Variants in CFAP20DC observed in about 807,000 individuals in gnomAD.
CFAP20DC encodes protein CFAP20DC.
A neutral mutation model predicts 101.7 loss-of-function variants in CFAP20DC; 84 were observed. The observed-to-expected ratio is 0.83, with a 90% CI of 0.69 to 0.99. The LOEUF (loss-of-function observed/expected upper bound fraction) is 0.99. Ranked by LOEUF, CFAP20DC falls within the 50% of genes least tolerant of loss-of-function variation. The pLI is 0.00. For missense variants in CFAP20DC, 1,007 were observed against 970.3 expected (o/e 1.04, Z -0.50); for synonymous variants, 359 against 351.2 (o/e 1.02, Z -0.25).
At position 59,007,221 on chromosome 3, in the gene CFAP20DC, T is replaced by G. The variant is rs1375073358; in HGVS notation, c.278+32336A>C. Among the ~76,000 whole-genome samples, 3 of 152,132 alleles carry G rather than the reference T, an allele frequency of 2.0e-5. No homozygotes were observed. The highest frequency in any genetic ancestry group is 6.5e-5 in the Admixed American group (1 of 15,278). On this transcript the variant is annotated intron_variant, in intron 4 of 16. Transcript: ENST00000482387. This position sits in a 1 kb window ranked among gnomAD's most constrained non-coding sequence, Gnocchi z 4.4. ...AGGAGAGTCTGAGCTCATACTCACC[T>G]AATCCTGCCCCCATCTGAAGGTACT... is the stretch of plus-strand genomic sequence containing the variant.
Position 58,724,994 on chromosome 3 carries a change from G to A in CFAP20DC, c.198-7366C>T, listed in dbSNP as rs1157523652. ...TATTATTACTTTGGAGGGGACCACC[G>A]AACCAGTAAACATTTGGGTTATGTT... is the stretch of plus-strand genomic sequence containing the variant. On this transcript the variant is annotated intron_variant, in intron 3 of 3. Transcript: ENST00000486145. The surrounding 1 kb of genome is among the most constrained non-coding windows in gnomAD (Gnocchi z 5.6). Among the ~76,000 whole-genome samples the A allele has an allele frequency of 6.6e-6, 1 of 152,156 alleles. No homozygotes were observed. Among genetic ancestry groups the A allele is most frequent in the Non-Finnish European group, 1.5e-5 (1 of 68,036 alleles).
chr3:58,978,232 A>G (rs1576565898), intron 4 of CFAP20DC, among the ~76,000 whole-genome samples: 1 of 151,376 alleles, frequency 6.6e-6, no homozygotes, highest in African/African-American at 2.4e-5. Context: ...TGGCTTCCCC[A>G]CTCCCCTGCC....
At chr3:58,888,826 T>C (rs1010727228) in intron 6 of CFAP20DC, among the ~76,000 whole-genome samples, 2 of 152,190 alleles carry the variant, frequency 1.3e-5, no homozygotes, top group African/African-American at 4.8e-5. Context: ...TTTGGGTATA[T>C]ACCTAGTAAT....
chr3:58,870,906 AAAAAAAAAAAAAAAAAAAG>A (rs2080139994), intron 7 of CFAP20DC, among the ~76,000 whole-genome samples: 2 of 144,882 alleles, frequency 1.4e-5, no homozygotes, highest in African/African-American at 5.4e-5. Context: ...AAAAAAAAAA[AAAAAAAAAAAAAAAAAAAG>A]AAAAAAGGAA....
chr3:58,812,268 C>A (rs1006012938), intron 14 of CFAP20DC, among the ~76,000 whole-genome samples: 2 of 152,014 alleles, frequency 1.3e-5, no homozygotes, highest in African/African-American at 4.8e-5. Flanking sequence ...ATGTTTATTG[C>A]GGCTCTATTC....
chr3:58,969,968 C>T (rs988583441), intron 4 of CFAP20DC, among the ~76,000 whole-genome samples: 1 of 152,016 alleles, frequency 6.6e-6, no homozygotes, highest in African/African-American at 2.4e-5. Context: ...GTGAATTATA[C>T]TAAAAATGAC....
chr3:58,755,443 T>C lies in CFAP20DC; in HGVS notation c.2238-1580A>G, dbSNP rs1218927110. Among the ~76,000 whole-genome samples the C allele has an allele frequency of 2.6e-5, 4 of 152,074 alleles. No individual in the cohort carries two copies. In the South Asian group the frequency reaches 6.2e-4, roughly 24 times the overall value. On this transcript the variant is annotated intron_variant, in intron 15 of 16. Coordinates refer to ENST00000482387, the MANE Select transcript of CFAP20DC (RefSeq NM_001394063.1). Reference sequence around the variant, plus strand: ...CCAGCGCAGTGACCTCATTACTCAATAAGGGTGATGAAGAACAAGGATGAA... The same window carrying C: ...CCAGCGCAGTGACCTCATTACTCAACAAGGGTGATGAAGAACAAGGATGAA...
intron 4 of CFAP20DC, among the ~76,000 whole-genome samples, chr3:58,974,267 C>T (rs769392922): frequency 1.3e-5 from 2 of 152,050 alleles, no homozygotes; most frequent in Non-Finnish European, 2.9e-5. Context: ...CCCACCTTCC[C>T]CCTACTAGTA....
intron 4 of CFAP20DC, among the ~76,000 whole-genome samples, chr3:58,977,583 C>T (rs1485670874): frequency 2.6e-5 from 4 of 152,110 alleles, no homozygotes; most frequent in Non-Finnish European, 5.9e-5. Flanking sequence ...TATCCTGTAT[C>T]TCACAAGCAG....
At chr3:58,852,082 G>T (rs1250037570) in intron 12 of CFAP20DC, among the ~76,000 whole-genome samples, 1 of 152,036 alleles carries the variant, frequency 6.6e-6, no homozygotes, top group African/African-American at 2.4e-5. Flanking sequence ...GCTGCTGACT[G>T]GTCCACTTTT....
chr3:58,997,406 G>T (rs1039627485), intron 4 of CFAP20DC, among the ~76,000 whole-genome samples: 1 of 152,142 alleles, frequency 6.6e-6, no homozygotes, highest in African/African-American at 2.4e-5. Context: ...TTTGAAATCT[G>T]AATCCTCATG....
At position 59,007,441 on chromosome 3, in the gene CFAP20DC, T is replaced by A. The variant is rs2093463626; in HGVS notation, c.278+32116A>T. Among the ~76,000 whole-genome samples the A allele has an allele frequency of 6.6e-6, 1 of 152,208 alleles. No individual in the cohort carries two copies. Among genetic ancestry groups the A allele is most frequent in the South Asian group, 2.1e-4 (1 of 4,820 alleles). ...CTGGAGGCCAACCAACTCAAGCCATTACAGCAACTCATGACAGAATAATCT... is the reference window on the plus strand; with the variant it reads ...CTGGAGGCCAACCAACTCAAGCCATAACAGCAACTCATGACAGAATAATCT... On this transcript the variant is annotated intron_variant, in intron 4 of 16. Transcript: ENST00000482387. The surrounding 1 kb of genome is among the most constrained non-coding windows in gnomAD (Gnocchi z 4.4).
intron 4 of CFAP20DC, among the ~76,000 whole-genome samples, chr3:59,031,180 C>T (rs945067951): frequency 3.3e-5 from 5 of 152,090 alleles, no homozygotes; most frequent in Admixed American, 3.3e-4. Context: ...AAGTAATAAG[C>T]TCTAGTGTTT....
At chr3:58,952,311 C>T (rs1050896620) in intron 4 of CFAP20DC, among the ~76,000 whole-genome samples, 2 of 152,180 alleles carry the variant, frequency 1.3e-5, no homozygotes, top group African/African-American at 4.8e-5. Context: ...GCATGCTGCT[C>T]TGAGTAGTGT....
At chr3:58,736,339 A>G (rs2067755284) in intron 3 of CFAP20DC, among the ~76,000 whole-genome samples, 1 of 152,184 alleles carries the variant, frequency 6.6e-6, no homozygotes, top group South Asian at 2.1e-4. Context: ...GTAGTGGAAA[A>G]AACAAATGGT....
intron 3 of CFAP20DC, among the ~76,000 whole-genome samples, chr3:59,040,608 C>G (rs962530309): frequency 6.6e-6 from 1 of 151,942 alleles, no homozygotes; most frequent in African/African-American, 2.4e-5. Flanking sequence ...AAAAAGGCAA[C>G]TAGTCTAAAA....
Position 58,746,922 on chromosome 3 carries a change from G to A in CFAP20DC, c.2333-4350C>T, listed in dbSNP as rs117955830. On this transcript the variant is annotated intron_variant, in intron 16 of 16. Coordinates refer to ENST00000482387, the MANE Select transcript of CFAP20DC (RefSeq NM_001394063.1). Reference sequence around the variant, plus strand: ...CGTAATGAAATTATAATATCATTACGCAATTACCACTATGATGTCAAGCAT... The same window carrying A: ...CGTAATGAAATTATAATATCATTACACAATTACCACTATGATGTCAAGCAT... Among the ~76,000 whole-genome samples, 160 of 152,058 alleles carry A rather than the reference G, an allele frequency of 1.1e-3. 2 individuals carry two copies. The East Asian group carries it at 0.026, about 25-fold the overall frequency.
rs145343369 is a variant in CFAP20DC, at chr3:58,763,555, G to A, written c.2238-9692C>T. 4.3e-3 allele frequency among the ~76,000 whole-genome samples: 647 copies of A among 152,178 alleles called. 5 individuals are homozygous for A. Among genetic ancestry groups the A allele is most frequent in the African/African-American group, 0.015 (605 of 41,522 alleles). On this transcript the variant is annotated intron_variant, in intron 15 of 16. Coordinates refer to ENST00000482387, the MANE Select transcript of CFAP20DC (RefSeq NM_001394063.1). ...TCTCAACTCGTCAAAGTCATTCTCC[G>A]TCCAGCTTTGTTCCGTTGCTGGTGA...
intron 4 of CFAP20DC, among the ~76,000 whole-genome samples, chr3:58,980,366 T>A (rs1241661747): frequency 5.9e-5 from 9 of 152,206 alleles, no homozygotes; most frequent in African/African-American, 2.2e-4. Flanking sequence ...GAGGCCAGCA[T>A]CATCCTGATA....
Sources: gnomAD v4.1 joint callset for allele counts (sites outside exome capture counted in the v4.1 genomes callset) on GRCh38, gnomAD v4.1.1 for gene constraint, Gnocchi (gnomAD v3.1) non-coding constraint, MANE v1.5 for transcripts, NCBI Gene and HGNC (gene_info 2026-07-23, HGNC 2026-07-21) for gene names.